Variants in TRIP4 observed in about 807,000 individuals in gnomAD.
TRIP4 encodes the protein thyroid hormone receptor interactor 4.
Under a neutral mutation model 81.8 loss-of-function variants are expected in TRIP4, and 54 were observed. The ratio of observed to expected loss-of-function variants is 0.66; its 90% confidence interval spans 0.53 to 0.83. The LOEUF is 0.83. Ranked by LOEUF, TRIP4 falls within the 40% of genes least tolerant of loss-of-function variation. The probability of loss-of-function intolerance (pLI) is 0.00; values close to 1 mark genes in which losing one functional copy is unlikely to be tolerated. For synonymous variants in TRIP4, 270 were observed against 242.8 expected (o/e 1.11, Z -1.04); for missense variants, 662 against 683.6 (o/e 0.97, Z 0.35).
chr15:64,426,400 C>A (rs1051068288), intron 11 of TRIP4, among the ~76,000 whole-genome samples: 4 of 152,060 alleles, frequency 2.6e-5, no homozygotes, highest in African/African-American at 9.7e-5. Flanking sequence ...ATTTTTATCA[C>A]TAAAGATTGA....
At chr15:64,434,524 G>GT (rs999294681) in intron 11 of TRIP4, among the ~76,000 whole-genome samples, 87 of 151,840 alleles carry the variant, frequency 5.7e-4, no homozygotes, top group Middle Eastern at 3.4e-3. Context: ...GTGTTTTGAA[G>GT]TTTTTTTGAG....
At chr15:64,427,710 C>G (rs1258543108) in intron 11 of TRIP4, among the ~76,000 whole-genome samples, 1 of 152,176 alleles carries the variant, frequency 6.6e-6, no homozygotes, top group Non-Finnish European at 1.5e-5. Flanking sequence ...TGTTATCCCT[C>G]TAGATTTATG....
intron 11 of TRIP4, among the ~76,000 whole-genome samples, chr15:64,440,343 T>A (rs1892488645): frequency 6.6e-6 from 1 of 152,098 alleles, no homozygotes; most frequent in Non-Finnish European, 1.5e-5. Context: ...TTTAGTTTTC[T>A]GACTTTCAGA....
intron 8 of TRIP4, among the ~76,000 whole-genome samples, chr15:64,416,393 G>A (rs960179331): frequency 2.6e-5 from 4 of 152,064 alleles, no homozygotes; most frequent in African/African-American, 9.7e-5. Flanking sequence ...AATAATTTGG[G>A]CCTCAAGATT....
chr15:64,391,784 A>G (rs1566970643), intron 1 of TRIP4, among the ~76,000 whole-genome samples: 2 of 151,502 alleles, frequency 1.3e-5, no homozygotes, highest in South Asian at 4.2e-4. Context: ...AGCCTGCCCA[A>G]CATGGCAAAA....
chr15:64,403,419 A>AAGGCCTCCC (rs1356793033), intron 5 of TRIP4, among the ~76,000 whole-genome samples: 4 of 152,198 alleles, frequency 2.6e-5, no homozygotes, highest in Non-Finnish European at 5.9e-5. Flanking sequence ...TCGGCCTCCC[A>AAGGCCTCCC]AAGTGCTGGA....
intron 5 of TRIP4, among the ~76,000 whole-genome samples, chr15:64,403,461 T>A (rs1023336860): frequency 6.6e-6 from 1 of 152,184 alleles, no homozygotes; most frequent in African/African-American, 2.4e-5. Flanking sequence ...GCCCAGCAGT[T>A]AAGGACACTA....
At chr15:64,412,834 G>T (rs1464838427) in intron 7 of TRIP4, among the ~76,000 whole-genome samples, 1 of 152,134 alleles carries the variant, frequency 6.6e-6, no homozygotes, top group Non-Finnish European at 1.5e-5. Flanking sequence ...CAGGGCTTAT[G>T]ATCTCTTACT....
intron 6 of TRIP4, among the ~76,000 whole-genome samples, chr15:64,407,491 C>T (rs1891653895): frequency 6.6e-6 from 1 of 151,678 alleles, no homozygotes; most frequent in Non-Finnish European, 1.5e-5. Flanking sequence ...CACAGTGAAA[C>T]CCCATCTCAC....
rs1596343320 is a variant in TRIP4, at chr15:64,409,708, A to G, written c.923A>G (p.Lys308Arg). The G allele has an allele frequency of 6.2e-7, 1 of 1,614,184 alleles. No individual in the cohort carries two copies. Among genetic ancestry groups the G allele is most frequent in the Admixed American group, 1.7e-5 (1 of 60,016 alleles). ...AAACTTGAGCGGGAAACCTTGCAGA[A>G]GCGAGAGGAGGAGCTGAGAGAACTT... ...LSKLERETLQ[K>R]REEELRELRH... The change falls in exon 7 of 13, where the codon AAG becomes AGG. Residue 308 changes from lysine to arginine, a missense_variant. Transcript: ENST00000261884.
At position 64,422,309 on chromosome 15, in the gene TRIP4, T is replaced by C. The variant is rs186442244; in HGVS notation, c.1359-1722T>C. On this transcript the variant is annotated intron_variant, in intron 9 of 12. Coordinates refer to ENST00000261884, the MANE Select transcript of TRIP4 (RefSeq NM_016213.5). ...TAGACTTCTGGTTTTCAGAGTGCTC[T>C]TTCCCCTCTACTGTTCAGGCTTCAG... 3.9e-5 allele frequency among the ~76,000 whole-genome samples: 6 copies of C among 152,324 alleles called. No homozygotes were observed. The East Asian group carries it at 9.6e-4, about 24-fold the overall frequency.
intron 11 of TRIP4, among the ~76,000 whole-genome samples, chr15:64,429,589 G>C (rs897598558): frequency 6.6e-6 from 1 of 152,162 alleles, no homozygotes; most frequent in Admixed American, 6.5e-5. Context: ...ATAACATGCA[G>C]TGTTCTCAAA....
chr15:64,391,934 G>A (rs1369183020), intron 1 of TRIP4, among the ~76,000 whole-genome samples: 4 of 122,406 alleles, frequency 3.3e-5, no homozygotes, highest in Admixed American at 1.0e-4. Context: ...TAGCACCACT[G>A]CACTCCAGCC....
At chr15:64,408,007 G>C (rs2140290856) in intron 6 of TRIP4, among the ~76,000 whole-genome samples, 1 of 151,534 alleles carries the variant, frequency 6.6e-6, no homozygotes, top group African/African-American at 2.4e-5. Flanking sequence ...TGAGGTGGGA[G>C]TATTGATTGA....
intron 11 of TRIP4, among the ~76,000 whole-genome samples, chr15:64,432,793 C>A (rs1388282570): frequency 6.6e-6 from 1 of 151,686 alleles, no homozygotes; most frequent in African/African-American, 2.4e-5. Context: ...CGCCTGTAAT[C>A]CCAGCTACTC....
In TRIP4 at chr15:64,414,089, G is replaced by C; in HGVS notation, c.1048G>C (p.Asp350His). 1 of 1,613,994 alleles carries C rather than the reference G, an allele frequency of 6.2e-7. No homozygotes were observed. The highest frequency in any genetic ancestry group is 8.5e-7 in the Non-Finnish European group (1 of 1,179,958). Residue 350 changes from aspartate (D) to histidine (H), a missense_variant, in exon 8 of 13, where the codon GAT becomes CAT. Physicochemically the swap from Asp to His is moderately conservative, Grantham distance 81. Transcript: ENST00000261884. ...CCTTTTGGTTTATTATCACAGACTA[G>C]ATGAGACAATACAGGCCATTGCCAA... is the stretch of plus-strand genomic sequence containing the variant. Reference protein sequence around the residue: ...NSLAEYHSRLDETIQAIANGT... With the variant: ...NSLAEYHSRLHETIQAIANGT...
intron 8 of TRIP4, among the ~76,000 whole-genome samples, chr15:64,414,719 G>A (rs539938075): frequency 4.5e-4 from 68 of 151,836 alleles, no homozygotes; most frequent in Middle Eastern, 3.4e-3. Flanking sequence ...GGGTTTCACC[G>A]TGTTAGCCAG....
intron 5 of TRIP4, among the ~76,000 whole-genome samples, chr15:64,401,841 C>T (rs924664342): frequency 5.9e-5 from 9 of 151,992 alleles, no homozygotes; most frequent in Non-Finnish European, 5.9e-5. Flanking sequence ...GCACGATCCA[C>T]CAATGGATAC....
In TRIP4 at chr15:64,448,690, C is replaced by T. The variant is rs7180798; in HGVS notation, c.1678+3582C>T. On this transcript the variant is annotated intron_variant, in intron 12 of 12. Transcript: ENST00000261884. ...ATGTTGCCCAGGCTGGTCTTGAACT[C>T]CTGAGCTCAGGTGATCCATCCACCT... is the stretch of plus-strand genomic sequence containing the variant. 8.4e-3 allele frequency among the ~76,000 whole-genome samples: 1,274 copies of T among 152,172 alleles called. 16 individuals are homozygous for T. Among genetic ancestry groups the T allele is most frequent in the African/African-American group, 0.029 (1,219 of 41,512 alleles).
Sources: gnomAD v4.1 joint callset for allele counts (sites outside exome capture counted in the v4.1 genomes callset) on GRCh38, gnomAD v4.1.1 for gene constraint, MANE v1.5 for transcripts, NCBI Gene and HGNC (gene_info 2026-07-23, HGNC 2026-07-21) for gene names.